The following ARHGAP22 variants were observed in gnomAD, a reference collection of about 807,000 sequenced individuals.
ARHGAP22 encodes Rho GTPase activating protein 22, also known as rho GTPase-activating protein 22.
In ARHGAP22, 48 loss-of-function variants were observed where a neutral mutation model predicts 59.1. That is an observed-to-expected ratio of 0.81 (90% CI 0.64 to 1.03). ARHGAP22 has a LOEUF of 1.03. ARHGAP22 is among the 50% of genes least tolerant of loss of function. The pLI is 0.00. For missense variants in ARHGAP22, 1,015 were observed against 958.7 expected (o/e 1.06, Z -0.78); for synonymous variants, 445 against 416.4 (o/e 1.07, Z -0.84).
chr10:48,638,772 G>T (rs569174935), intron 1 of ARHGAP22, among the ~76,000 whole-genome samples: 1 of 152,170 alleles, frequency 6.6e-6, no homozygotes, highest in East Asian at 1.9e-4. Flanking sequence ...AATTCTAGTG[G>T]TGCTTAATGA....
At chr10:48,535,522 T>C (rs1298456206) in intron 3 of ARHGAP22, among the ~76,000 whole-genome samples, 1 of 152,236 alleles carries the variant, frequency 6.6e-6, no homozygotes, top group African/African-American at 2.4e-5. Context: ...CTGTCACTCC[T>C]ACCTGTGTTT....
chr10:48,467,294 T>C (rs2047816169), intron 4 of ARHGAP22, among the ~76,000 whole-genome samples: 1 of 152,182 alleles, frequency 6.6e-6, no homozygotes, highest in African/African-American at 2.4e-5. Flanking sequence ...CCTGTATTCT[T>C]CTTGGGTTAG....
intron 7 of ARHGAP22, 84 bp downstream of exon 7, chr10:48,454,004 G>A (rs2046250592): frequency 2.8e-6 from 4 of 1,413,970 alleles, no homozygotes; most frequent in Non-Finnish European, 4.0e-6. Flanking sequence ...CTCTGACAAG[G>A]AAGAGTTGCG....
intron 5 of ARHGAP22, 104 bp from the exon 6 acceptor site, chr10:48,455,238 C>T: frequency 7.5e-7 from 1 of 1,337,656 alleles, no homozygotes; most frequent in Non-Finnish European, 9.9e-7. Flanking sequence ...GTCTCAGGTG[C>T]ATTCTTGGGC....
intron 4 of ARHGAP22, among the ~76,000 whole-genome samples, chr10:48,460,136 A>G (rs11101333): frequency 0.56 from 84,865 of 152,078 alleles, 27,816 homozygotes; most frequent in Non-Finnish European, 0.72. Context: ...GAGCAGTGAG[A>G]TGGTGGTGTG....
chr10:48,611,807 T>TTCCCTTCCCTTCCCTTCC lies in ARHGAP22; in HGVS notation c.53-28656_53-28655insGGAAGGGAAGGGAAGGGA, dbSNP rs2060896349. The stretch of plus-strand genomic sequence containing the variant: ...TGCTCCTTTCCCTTCCCTTCCCTTC[T>TTCCCTTCCCTTCCCTTCC]CTTCCCTTCCCTTCCCTTCCCTTCC... On this transcript the variant is annotated intron_variant, in intron 1 of 9. Coordinates refer to the ARHGAP22 transcript ENST00000435790. 1.4e-4 allele frequency among the ~76,000 whole-genome samples: 5 copies of TTCCCTTCCCTTCCCTTCC among 35,296 alleles called. 1 individual carries two copies. Among genetic ancestry groups the TTCCCTTCCCTTCCCTTCC allele is most frequent in the African/African-American group, 5.7e-4 (5 of 8,748 alleles). The allele number at this position is 35,296 out of a possible 152,430, so 23.2% of individuals were successfully genotyped here.
intron 3 of ARHGAP22, among the ~76,000 whole-genome samples, chr10:48,548,514 C>T (rs115063495): frequency 8.3e-4 from 126 of 152,356 alleles, no homozygotes; most frequent in African/African-American, 2.9e-3. Context: ...CAAAGCTTAA[C>T]GGATGACCTA....
intron 2 of ARHGAP22, among the ~76,000 whole-genome samples, chr10:48,557,648 T>C (rs983168542): frequency 6.6e-6 from 1 of 152,244 alleles, no homozygotes; most frequent in Non-Finnish European, 1.5e-5. Context: ...ATCTTTATCA[T>C]GGCAGCCACC....
At chr10:48,507,305 G>A (rs921195127) in intron 3 of ARHGAP22, among the ~76,000 whole-genome samples, 1 of 152,176 alleles carries the variant, frequency 6.6e-6, no homozygotes, top group African/African-American at 2.4e-5. Context: ...TGAGCCAAAC[G>A]ACTGACCTTC....
At chr10:48,462,866 C>T (rs534058422) in intron 4 of ARHGAP22, among the ~76,000 whole-genome samples, 2 of 152,206 alleles carry the variant, frequency 1.3e-5, no homozygotes, top group African/African-American at 4.8e-5. Context: ...CAGGGCCCAC[C>T]ACTGACAGCG....
intron 1 of ARHGAP22, among the ~76,000 whole-genome samples, chr10:48,589,858 C>T (rs1171383324): frequency 6.6e-6 from 1 of 152,130 alleles, no homozygotes; most frequent in African/African-American, 2.4e-5. Context: ...TCTAAAAAAT[C>T]TTACTCTTTT....
chr10:48,526,551 C>A (rs115174109), intron 3 of ARHGAP22, among the ~76,000 whole-genome samples: 2 of 152,188 alleles, frequency 1.3e-5, no homozygotes, highest in Admixed American at 1.3e-4. Flanking sequence ...TTAGTCACAG[C>A]GGGCTTAATG....
At chr10:48,636,832 G>A (rs145171828) in intron 1 of ARHGAP22, among the ~76,000 whole-genome samples, 5 of 152,318 alleles carry the variant, frequency 3.3e-5, no homozygotes, top group African/African-American at 1.2e-4. Context: ...TGGGAGGGAA[G>A]TCAGAAGGGA....
intron 1 of ARHGAP22, among the ~76,000 whole-genome samples, chr10:48,632,065 G>A (rs1261609591): frequency 1.3e-5 from 2 of 152,184 alleles, no homozygotes; most frequent in Non-Finnish European, 2.9e-5. Flanking sequence ...CAGTGCACCT[G>A]TCACTCGAGC....
At chr10:48,652,263 T>C in exon 1 of ARHGAP22, 1 of 1,535,710 alleles carries the variant, frequency 6.5e-7, no homozygotes, top group Non-Finnish European at 8.7e-7. Flanking sequence ...CGTCCTCCTT[T>C]TGCTGGAAGC....
chr10:48,476,922 C>T (rs1258691512), intron 4 of ARHGAP22, among the ~76,000 whole-genome samples: 2 of 152,252 alleles, frequency 1.3e-5, no homozygotes, highest in Admixed American at 1.3e-4. Flanking sequence ...TGCCCCCTTG[C>T]TGGCTGTGTC....
intron 5 of ARHGAP22, 29 bp downstream of exon 5, chr10:48,459,655 C>T: frequency 6.2e-7 from 1 of 1,612,060 alleles, no homozygotes; most frequent in Non-Finnish European, 8.5e-7. Context: ...GGACAAATGG[C>T]TCCACCTTAC....
chr10:48,615,031 T>G (rs1203761841), intron 1 of ARHGAP22, among the ~76,000 whole-genome samples: 2 of 152,170 alleles, frequency 1.3e-5, no homozygotes, highest in African/African-American at 4.8e-5. Context: ...AAAAATAGAC[T>G]AACCTAAAGC....
chr10:48,612,133 C>CT lies in ARHGAP22; in HGVS notation c.53-28982dup, dbSNP rs541693636. On this transcript the variant is annotated intron_variant, in intron 1 of 9. Transcript: ENST00000435790. ...ACCACACCCAGCCAACTTCCTCCTG[C>CT]TTTTCTATCCATTTCCCCTCCTTTT... Among the ~76,000 whole-genome samples, 82 of 152,084 alleles carry CT rather than the reference C, an allele frequency of 5.4e-4. 1 individual carries two copies. In the South Asian group the frequency reaches 0.016, roughly 30 times the overall value.
Sources: gnomAD v4.1 joint callset for allele counts (sites outside exome capture counted in the v4.1 genomes callset) on GRCh38, gnomAD v4.1.1 for gene constraint, MANE v1.5 for transcripts, NCBI Gene and HGNC (gene_info 2026-07-23, HGNC 2026-07-21) for gene names.